NPTN: variants seen among roughly 807,000 people sequenced by gnomAD.
NPTN encodes SDR-1.
A neutral mutation model predicts 42.7 loss-of-function variants in NPTN; 5 were observed. The ratio of observed to expected loss-of-function variants is 0.12; its 90% CI spans 0.06 to 0.25. The LOEUF (loss-of-function observed/expected upper bound fraction) is 0.25, where lower values mean the gene tolerates loss of function less well. Among genes scored for constraint, NPTN ranks in the 10% least tolerant of loss-of-function variants. The probability of loss-of-function intolerance (pLI) is 1.00; values close to 1 mark genes in which losing one functional copy is unlikely to be tolerated. For synonymous variants in NPTN, 180 were observed against 201.9 expected (o/e 0.89, Z 0.92); for missense variants, 307 against 525.4 (o/e 0.58, Z 4.06).
chr15:73,596,275 T>G (rs1365852339), intron 2 of NPTN, among the ~76,000 whole-genome samples: 1 of 152,242 alleles, frequency 6.6e-6, no homozygotes, highest in Non-Finnish European at 1.5e-5. Flanking sequence ...AGTACACTGC[T>G]GCAGTAGAGG....
intron 4 of NPTN, among the ~76,000 whole-genome samples, chr15:73,580,408 A>T (rs1895932010): frequency 9.6e-6 from 1 of 103,852 alleles, no homozygotes; most frequent in African/African-American, 4.2e-5. Context: ...TATTATATAT[A>T]TAATATATAT....
At chr15:73,561,824 T>C (rs1340319621) in intron 8 of NPTN, 72 bp downstream of exon 8, 27 of 1,129,970 alleles carry the variant, frequency 2.4e-5, no homozygotes, top group Non-Finnish European at 3.3e-5. Flanking sequence ...ACTGAAGAAT[T>C]TGTAACAAGG....
At chr15:73,611,521 T>C (rs1167010190) in intron 1 of NPTN, among the ~76,000 whole-genome samples, 1 of 152,050 alleles carries the variant, frequency 6.6e-6, no homozygotes, top group Non-Finnish European at 1.5e-5. Flanking sequence ...TGATTCCAAC[T>C]ACATATATGA....
In NPTN at chr15:73,569,250, A is replaced by C; in HGVS notation, c.1114+900T>G. On this transcript the variant is annotated intron_variant, in intron 6 of 8. Transcript: ENST00000345330. This position sits in a 1 kb window ranked among gnomAD's most constrained non-coding sequence, Gnocchi z 4.1. ...GGGGAGCCAGCTGGGAACCTGAAGT[A>C]CTGCAGATACAAGTCTCCATCAGCA... The C allele has an allele frequency of 1.0e-6, 1 of 985,552 alleles. No homozygotes were observed. Among genetic ancestry groups the C allele is most frequent in the Non-Finnish European group, 1.2e-6 (1 of 830,008 alleles). The allele number at this position is 985,552 out of a possible 1,614,324, so 61.1% of individuals were successfully genotyped here.
At chr15:73,589,349 A>C (rs1376350916) in intron 3 of NPTN, among the ~76,000 whole-genome samples, 3 of 152,060 alleles carry the variant, frequency 2.0e-5, no homozygotes, top group South Asian at 2.1e-4. Context: ...AAAGAAAAAA[A>C]GAAAAAGTAG....
Position 73,597,068 on chromosome 15 carries a change from G to A in NPTN, c.393C>T (p.Pro131=), listed in dbSNP as rs577243481. The part of the protein sequence containing the change: ...DPKRNDLRQN[P]SITWIRAQAT... ...CCTGGGCTCGAATCCATGTTATGGA[G>A]GGGTTTTGCCTCAAGTCATTCCTCT... The change falls in exon 2 of 9, where the codon CCC becomes CCT. Residue 131 remains proline, a synonymous_variant. Transcript: ENST00000345330. This position sits in a 1 kb window ranked among gnomAD's most constrained non-coding sequence, Gnocchi z 6.3. 3 of 1,614,114 alleles carry A rather than the reference G, an allele frequency of 1.9e-6. No individual in the cohort carries two copies. The South Asian group carries it at 3.3e-5, about 18-fold the overall frequency.
At chr15:73,618,577 C>T (rs2141464805) in intron 1 of NPTN, among the ~76,000 whole-genome samples, 1 of 152,240 alleles carries the variant, frequency 6.6e-6, no homozygotes, top group South Asian at 2.1e-4. Flanking sequence ...AATAAAATAA[C>T]TTTATAAGAA....
intron 2 of NPTN, among the ~76,000 whole-genome samples, chr15:73,595,757 T>G (rs1896808630): frequency 6.6e-6 from 1 of 152,198 alleles, no homozygotes; most frequent in Non-Finnish European, 1.5e-5. Context: ...TAACCAGGTT[T>G]GATGTGGGGC....
intron 8 of NPTN, 122 bp from the exon 9 acceptor site, chr15:73,561,170 G>C (rs1231473461): frequency 6.6e-6 from 1 of 152,246 alleles, no homozygotes; most frequent in African/African-American, 2.4e-5. Flanking sequence ...GTGAAATTCT[G>C]ATCTCCATAT....
chr15:73,588,913 C>G (rs1896451584), intron 3 of NPTN, among the ~76,000 whole-genome samples: 1 of 152,174 alleles, frequency 6.6e-6, no homozygotes, highest in Admixed American at 6.5e-5. Context: ...GAGTACCTAG[C>G]CTGGTGCCTG....
chr15:73,632,978 C>T (rs1416317836), intron 1 of NPTN, 147 bp downstream of exon 1: 1 of 549,918 alleles, frequency 1.8e-6, no homozygotes, highest in Non-Finnish European at 2.9e-6. Context: ...AACCCGCAGC[C>T]GGTACCTCCT....
At chr15:73,616,472 G>A (rs978452882) in intron 1 of NPTN, among the ~76,000 whole-genome samples, 53 of 152,178 alleles carry the variant, frequency 3.5e-4, no homozygotes, top group Admixed American at 2.8e-3. Context: ...GGCCAAAGAG[G>A]CTATACTTTA....
At chr15:73,594,550 G>C (rs556188002) in intron 2 of NPTN, among the ~76,000 whole-genome samples, 69 of 152,298 alleles carry the variant, frequency 4.5e-4, no homozygotes, top group Non-Finnish European at 7.6e-4. Flanking sequence ...ATGAAAAACA[G>C]TGCTACACCA....
chr15:73,616,888 G>A (rs747124505), intron 1 of NPTN, among the ~76,000 whole-genome samples: 1 of 152,174 alleles, frequency 6.6e-6, no homozygotes, highest in Non-Finnish European at 1.5e-5. Flanking sequence ...TGTGAACACT[G>A]AAGACTTCAG....
intron 4 of NPTN, among the ~76,000 whole-genome samples, chr15:73,576,235 T>C (rs1006390983): frequency 2.6e-5 from 4 of 152,172 alleles, no homozygotes; most frequent in Non-Finnish European, 4.4e-5. Flanking sequence ...GTCAGACTGG[T>C]TGGGTAAGGC....
chr15:73,599,678 T>C (rs1896999675), intron 1 of NPTN: 1 of 150,836 alleles, frequency 6.6e-6, no homozygotes, highest in Non-Finnish European at 1.5e-5. Flanking sequence ...GTAAAGGAAG[T>C]TGGTTTTATT....
At chr15:73,592,720 T>C (rs1305547700) in intron 2 of NPTN, among the ~76,000 whole-genome samples, 3 of 152,206 alleles carry the variant, frequency 2.0e-5, no homozygotes, top group Non-Finnish European at 2.9e-5. Context: ...CCAAATTTTG[T>C]GGAGGCAAAA....
intron 1 of NPTN, among the ~76,000 whole-genome samples, chr15:73,605,099 A>AGGCGGGGG (rs1402136743): frequency 8.2e-6 from 1 of 121,644 alleles, no homozygotes; most frequent in African/African-American, 3.7e-5. Flanking sequence ...CCCTGTCTCA[A>AGGCGGGGG]GGGGGGGGGG....
At chr15:73,566,272 GACCAAC>G (rs1264095171) in intron 6 of NPTN, among the ~76,000 whole-genome samples, 3 of 152,072 alleles carry the variant, frequency 2.0e-5, no homozygotes, top group Admixed American at 1.3e-4. Context: ...CAAATGTTTT[GACCAAC>G]GAATAGATTT....
Sources: gnomAD v4.1 joint callset for allele counts (sites outside exome capture counted in the v4.1 genomes callset) on GRCh38, gnomAD v4.1.1 for gene constraint, Gnocchi (gnomAD v3.1) non-coding constraint, MANE v1.5 for transcripts, NCBI Gene and HGNC (gene_info 2026-07-23, HGNC 2026-07-21) for gene names.